Variants in SDK1 observed in about 807,000 individuals in gnomAD.
The protein encoded by SDK1 is sidekick cell adhesion molecule 1.
A neutral mutation model predicts 245.5 loss-of-function variants in SDK1; 157 were observed. The observed-to-expected ratio is 0.64, with a 90% CI of 0.56 to 0.73. The LOEUF (loss-of-function observed/expected upper bound fraction) is 0.73. Ranked by LOEUF, SDK1 falls within the 30% of genes least tolerant of loss-of-function variation. The pLI is 0.00. For synonymous variants in SDK1, 1,647 were observed against 1,278.5 expected, an observed-to-expected ratio of 1.29 and a Z score of -6.15; for missense variants, 3,583 against 3,002.3, an observed-to-expected ratio of 1.19 and a Z score of -4.52.
At chr7:3,702,821 G>C (rs1784777325) in intron 4 of SDK1, among the ~76,000 whole-genome samples, 1 of 152,130 alleles carries the variant, frequency 6.6e-6, no homozygotes, top group Admixed American at 6.6e-5. Flanking sequence ...TTGCAAAAGA[G>C]GGTCTGTAGA....
chr7:4,003,318 G>A (rs1562650956), intron 14 of SDK1, among the ~76,000 whole-genome samples: 1 of 152,220 alleles, frequency 6.6e-6, no homozygotes, highest in Non-Finnish European at 1.5e-5. Context: ...GTGTTTTAGA[G>A]CAGTTTGGAG....
chr7:3,781,105 G>C (rs947182770), intron 4 of SDK1, among the ~76,000 whole-genome samples: 10 of 152,126 alleles, frequency 6.6e-5, no homozygotes, highest in African/African-American at 2.4e-4. Context: ...AGGAAATCCT[G>C]AATCATGAAT....
At chr7:3,414,963 A>T (rs1243751842) in intron 1 of SDK1, among the ~76,000 whole-genome samples, 4 of 152,136 alleles carry the variant, frequency 2.6e-5, no homozygotes, top group Admixed American at 2.0e-4. Context: ...ACATTTTATT[A>T]ATTTATCAGT....
intron 1 of SDK1, among the ~76,000 whole-genome samples, chr7:3,316,922 A>G (rs1224446308): frequency 6.6e-6 from 1 of 152,066 alleles, no homozygotes; most frequent in East Asian, 1.9e-4. Flanking sequence ...GCTCATGCCT[A>G]TAATTTTGGC....
At chr7:3,869,474 A>C (rs1376154891) in intron 5 of SDK1, among the ~76,000 whole-genome samples, 1 of 151,966 alleles carries the variant, frequency 6.6e-6, no homozygotes, top group African/African-American at 2.4e-5. Flanking sequence ...TCATTCCTCT[A>C]AGATTTCAGT....
At chr7:3,522,749 A>G (rs928924105) in intron 1 of SDK1, among the ~76,000 whole-genome samples, 3 of 152,140 alleles carry the variant, frequency 2.0e-5, no homozygotes, top group African/African-American at 7.2e-5. Flanking sequence ...TCACTGACCA[A>G]TTCCAGCTTT....
intron 22 of SDK1, among the ~76,000 whole-genome samples, chr7:4,097,735 G>C (rs989743410): frequency 2.6e-5 from 4 of 152,196 alleles, no homozygotes; most frequent in Non-Finnish European, 5.9e-5. Flanking sequence ...CTTATGGAAG[G>C]ACGTGAGACC....
chr7:4,162,395 TATTATTA>T (rs1191096944), intron 32 of SDK1, among the ~76,000 whole-genome samples: 2 of 108,210 alleles, frequency 1.8e-5, no homozygotes, highest in Non-Finnish European at 4.8e-5. Flanking sequence ...TTATTATTAT[TATTATTA>T]TTATTATTAT....
At chr7:3,900,496 T>A (rs1781750223) in intron 5 of SDK1, among the ~76,000 whole-genome samples, 1 of 152,210 alleles carries the variant, frequency 6.6e-6, no homozygotes, top group Non-Finnish European at 1.5e-5. Context: ...ATTGCTTCTC[T>A]CGTCCTGCCC....
chr7:4,076,960 C>T (rs778603283), intron 20 of SDK1, 38 bp from the exon 21 acceptor site: 63 of 1,583,632 alleles, frequency 4.0e-5, no homozygotes, highest in Non-Finnish European at 1.7e-6. Flanking sequence ...CCTTGGCCTT[C>T]AGGAGACCAA....
Position 4,006,947 on chromosome 7 carries a change from T to G in SDK1, c.2132-4019T>G, listed in dbSNP as rs10246246. 6.9e-3 allele frequency among the ~76,000 whole-genome samples: 1,054 copies of G among 152,358 alleles called. 11 individuals carry two copies. The highest frequency in any genetic ancestry group is 0.024 in the African/African-American group (997 of 41,586). ...GGGAAAGCGGCGTCTCCAGGCTTGCTCTGCCTCTCCCGCAGTCTGATTAAT... is the reference window on the plus strand; with the variant it reads ...GGGAAAGCGGCGTCTCCAGGCTTGCGCTGCCTCTCCCGCAGTCTGATTAAT... On this transcript the variant is annotated intron_variant, in intron 14 of 44. Transcript: ENST00000404826.
intron 1 of SDK1, among the ~76,000 whole-genome samples, chr7:3,429,041 A>G (rs1039232103): frequency 2.0e-5 from 3 of 152,160 alleles, no homozygotes; most frequent in African/African-American, 7.2e-5. Context: ...TGCTCAATTC[A>G]TCTGGCCGGC....
At chr7:3,465,484 C>A (rs1219608087) in intron 1 of SDK1, among the ~76,000 whole-genome samples, 2 of 152,206 alleles carry the variant, frequency 1.3e-5, no homozygotes, top group African/African-American at 4.8e-5. Flanking sequence ...TTGTGCCTCA[C>A]ATTAGTGTGT....
chr7:3,393,680 A>G (rs1781819231), intron 1 of SDK1, among the ~76,000 whole-genome samples: 1 of 152,144 alleles, frequency 6.6e-6, no homozygotes, highest in Non-Finnish European at 1.5e-5. Flanking sequence ...CAACTCCAGA[A>G]TTTCTGCTTG....
chr7:3,986,615 C>T (rs902510572), intron 13 of SDK1, among the ~76,000 whole-genome samples: 2 of 152,112 alleles, frequency 1.3e-5, no homozygotes, highest in African/African-American at 4.8e-5. Flanking sequence ...AATCCCAGCA[C>T]TTTGGGAGGC....
In SDK1 at chr7:4,064,011, T is replaced by C. The variant is rs958245925; in HGVS notation, c.2912-3827T>C. Among the ~76,000 whole-genome samples, 3 of 152,126 alleles carry C rather than the reference T, an allele frequency of 2.0e-5. No homozygotes were observed. In the East Asian group the frequency reaches 5.8e-4, roughly 29 times the overall value. On this transcript the variant is annotated intron_variant, in intron 19 of 44. Coordinates refer to ENST00000404826, the MANE Select transcript of SDK1 (RefSeq NM_152744.4). ...ACACAGGGGAAACACTTCAGGACAT[T>C]AGTGTAGGCAAAGATTTTATGGCTA...
intron 5 of SDK1, among the ~76,000 whole-genome samples, chr7:3,887,357 C>G (rs1217415091): frequency 2.0e-5 from 3 of 152,192 alleles, no homozygotes; most frequent in African/African-American, 7.2e-5. Flanking sequence ...TGAAAGCTGA[C>G]AAGTACAATC....
intron 4 of SDK1, among the ~76,000 whole-genome samples, chr7:3,676,709 G>A (rs1783915308): frequency 6.6e-6 from 1 of 152,172 alleles, no homozygotes. Context: ...ATGATAGAAA[G>A]GAGTTCAATT....
In SDK1 at chr7:3,452,405, T is replaced by C. The variant is rs540023778; in HGVS notation, c.298+150521T>C. On this transcript the variant is annotated intron_variant, in intron 1 of 44. Coordinates refer to ENST00000404826, the MANE Select transcript of SDK1 (RefSeq NM_152744.4). The stretch of plus-strand genomic sequence containing the variant: ...TGTACCCTTCCATTAAAAACAGATA[T>C]ACTAATTTGCTTTTCAATTGTAGAG... Among the ~76,000 whole-genome samples the C allele has an allele frequency of 1.4e-4, 21 of 152,292 alleles. No individual in the cohort carries two copies. The South Asian group carries it at 2.1e-3, about 15-fold the overall frequency.
Sources: gnomAD v4.1 joint callset for allele counts (sites outside exome capture counted in the v4.1 genomes callset) on GRCh38, gnomAD v4.1.1 for gene constraint, MANE v1.5 for transcripts, NCBI Gene and HGNC (gene_info 2026-07-23, HGNC 2026-07-21) for gene names.